DPYSL3: variants seen among roughly 807,000 people sequenced by gnomAD.
DPYSL3 encodes dihydropyrimidinase-related protein 3.
A neutral mutation model predicts 66.1 loss-of-function variants in DPYSL3; 16 were observed. That is an observed-to-expected ratio of 0.24 (90% confidence interval 0.16 to 0.37). DPYSL3 has a LOEUF of 0.37. Among genes scored for constraint, DPYSL3 ranks in the 10% least tolerant of loss-of-function variants. The pLI, the probability that DPYSL3 is intolerant of heterozygous loss-of-function variation, is 1.00. For missense variants in DPYSL3, 738 were observed against 916.2 expected (o/e 0.81, Z 2.51); for synonymous variants, 338 against 345.1 (o/e 0.98, Z 0.23).
intron 1 of DPYSL3, among the ~76,000 whole-genome samples, chr5:147,479,203 C>A (rs747645562): frequency 6.6e-6 from 1 of 152,112 alleles, no homozygotes; most frequent in Non-Finnish European, 1.5e-5. Flanking sequence ...GATACACATA[C>A]AATTACTGAA....
In DPYSL3 at chr5:147,453,710, G is replaced by GCAGCCTCCGC. The variant is rs1554115354; in HGVS notation, c.382-28748_382-28747insGCGGAGGCTG. Reference sequence around the variant, plus strand: ...GAGTGAATGGTGCGCTGGCCGCGCCGCCGCCTCCGCCCGCCTCCGCCCCCC... The same window carrying GCAGCCTCCGC: ...GAGTGAATGGTGCGCTGGCCGCGCCGCAGCCTCCGCCCGCCTCCGCCCGCCTCCGCCCCCC... On this transcript the variant is annotated intron_variant, in intron 1 of 13. Coordinates refer to ENST00000343218, the MANE Select transcript of DPYSL3 (RefSeq NM_001197294.2). 3 of 1,327,728 alleles carry GCAGCCTCCGC rather than the reference G, an allele frequency of 2.3e-6. No homozygotes were observed. The African/African-American group carries it at 4.6e-5, about 20-fold the overall frequency. The allele number at this position is 1,327,728 out of a possible 1,614,324, so 82.2% of individuals were successfully genotyped here.
intron 6 of DPYSL3, among the ~76,000 whole-genome samples, chr5:147,411,721 C>G (rs1751857794): frequency 6.6e-6 from 1 of 152,138 alleles, no homozygotes; most frequent in African/African-American, 2.4e-5. Flanking sequence ...TTCCTACACC[C>G]CTGCTGACCA....
chr5:147,490,308 T>C (rs1482167918), intron 1 of DPYSL3, among the ~76,000 whole-genome samples: 1 of 152,180 alleles, frequency 6.6e-6, no homozygotes, highest in Admixed American at 6.5e-5. Flanking sequence ...ATGAAATGAA[T>C]GTGCACAAAG....
At chr5:147,410,443 C>G (rs369471431) in intron 6 of DPYSL3, among the ~76,000 whole-genome samples, 69 of 152,104 alleles carry the variant, frequency 4.5e-4, no homozygotes, top group Admixed American at 4.0e-3. Flanking sequence ...AGATTAAGAA[C>G]AGCAGTAAAG....
At chr5:147,429,480 G>A (rs760012286) in intron 1 of DPYSL3, among the ~76,000 whole-genome samples, 77 of 151,814 alleles carry the variant, frequency 5.1e-4, no homozygotes, top group Middle Eastern at 3.4e-3. Flanking sequence ...GCCAGTGTGC[G>A]TGTGTGTGTG....
At chr5:147,426,891 G>A (rs1043901599) in intron 1 of DPYSL3, among the ~76,000 whole-genome samples, 16 of 152,156 alleles carry the variant, frequency 1.1e-4, no homozygotes, top group Non-Finnish European at 1.9e-4. Context: ...GATCAATGAA[G>A]TGTTCCAAAA....
intron 6 of DPYSL3, 147 bp downstream of exon 6, chr5:147,412,461 G>C (rs2288802): frequency 0.064 from 44,304 of 691,240 alleles, 3,079 homozygotes; most frequent in East Asian, 0.3. Context: ...CACCTAAATT[G>C]TGAGGTACCT....
At chr5:147,409,495 T>C (rs1420513991) in intron 6 of DPYSL3, among the ~76,000 whole-genome samples, 5 of 152,200 alleles carry the variant, frequency 3.3e-5, no homozygotes, top group African/African-American at 1.2e-4. Context: ...CCAAACAGCA[T>C]TACCTAAGTT....
In DPYSL3 at chr5:147,456,659, C is replaced by T. The variant is rs368749652; in HGVS notation, c.382-31696G>A. On this transcript the variant is annotated intron_variant, in intron 1 of 13. Coordinates refer to ENST00000343218, the MANE Select transcript of DPYSL3 (RefSeq NM_001197294.2). Reference sequence around the variant, plus strand: ...AGGCTGGAGTGCAGTGGGGTGATCTCGGCTCACAGCAACCTCCGCCTCCCA... The same window carrying T: ...AGGCTGGAGTGCAGTGGGGTGATCTTGGCTCACAGCAACCTCCGCCTCCCA... 7.2e-5 allele frequency among the ~76,000 whole-genome samples: 10 copies of T among 139,586 alleles called. No homozygotes were observed. The South Asian group carries it at 1.4e-3, about 19-fold the overall frequency. 91.6% of individuals were successfully genotyped at this position (139,586 alleles called of 152,430 possible). A position where few individuals can be genotyped will look rare whatever the true frequency, so the allele number is the denominator to read the frequency against.
chr5:147,453,756 T>C, intron 1 of DPYSL3: 1 of 1,315,004 alleles, frequency 7.6e-7, no homozygotes, highest in Non-Finnish European at 9.7e-7. Context: ...CCGCGGCGGC[T>C]GCCAGAGACA....
chr5:147,448,583 G>C (rs1752670845), intron 1 of DPYSL3, among the ~76,000 whole-genome samples: 1 of 152,148 alleles, frequency 6.6e-6, no homozygotes, highest in African/African-American at 2.4e-5. Context: ...CTGCTCTCTT[G>C]AACACATCCA....
At chr5:147,487,633 A>C (rs978673617) in intron 1 of DPYSL3, among the ~76,000 whole-genome samples, 7 of 152,166 alleles carry the variant, frequency 4.6e-5, no homozygotes, top group African/African-American at 1.7e-4. Context: ...ACAACCATTC[A>C]TTTACATGTT....
At chr5:147,440,012 A>T (rs1267581345) in intron 1 of DPYSL3, among the ~76,000 whole-genome samples, 3 of 152,200 alleles carry the variant, frequency 2.0e-5, no homozygotes, top group Non-Finnish European at 2.9e-5. Context: ...ATATTATAAC[A>T]TCTGGGTGGG....
intron 3 of DPYSL3, 101 bp from the exon 4 acceptor site, chr5:147,415,974 T>G: frequency 2.3e-6 from 3 of 1,318,354 alleles, no homozygotes; most frequent in Non-Finnish European, 3.1e-6. Flanking sequence ...GCAGAATCTC[T>G]ATTTCCTGAG....
chr5:147,412,715 T>C, intron 5 of DPYSL3, 27 bp from the exon 6 acceptor site: 2 of 1,595,502 alleles, frequency 1.3e-6, no homozygotes, highest in Non-Finnish European at 1.7e-6. Flanking sequence ...TCTTTGTCAC[T>C]CTTGCAAGCA....
At chr5:147,415,649 G>C in intron 4 of DPYSL3, 60 bp downstream of exon 4, 9 of 1,579,298 alleles carry the variant, frequency 5.7e-6, no homozygotes, top group Non-Finnish European at 7.8e-6. Flanking sequence ...AGTGGATGGT[G>C]TTGGAAGGAC....
At chr5:147,428,364 A>G (rs1752239027) in intron 1 of DPYSL3, among the ~76,000 whole-genome samples, 1 of 152,054 alleles carries the variant, frequency 6.6e-6, no homozygotes, top group Non-Finnish European at 1.5e-5. Flanking sequence ...TTGCCCTGCT[A>G]TCCTCCCCAA....
intron 4 of DPYSL3, among the ~76,000 whole-genome samples, chr5:147,415,475 T>C (rs1751945225): frequency 6.6e-6 from 1 of 152,158 alleles, no homozygotes; most frequent in Non-Finnish European, 1.5e-5. Flanking sequence ...TTGGGCTGCT[T>C]ATTCTGAGCC....
intron 1 of DPYSL3, among the ~76,000 whole-genome samples, chr5:147,449,027 T>C (rs73794760): frequency 0.025 from 3,818 of 152,308 alleles, 151 homozygotes; most frequent in African/African-American, 0.086. Context: ...GCTGGTTTTC[T>C]GTGACTCCTC....
Sources: allele counts gnomAD v4.1 joint callset (sites outside exome capture counted in the v4.1 genomes callset), GRCh38; gene constraint gnomAD v4.1.1; transcripts MANE v1.5; gene names NCBI Gene and HGNC (gene_info 2026-07-23, HGNC 2026-07-21).